The following AZIN1 variants were observed in gnomAD, a reference collection of about 807,000 sequenced individuals.
The protein encoded by AZIN1 is antizyme inhibitor 1.
Under a neutral mutation model 47.4 loss-of-function variants are expected in AZIN1, and 12 were observed. The ratio of observed to expected loss-of-function variants is 0.25; its 90% CI spans 0.16 to 0.41. AZIN1 has a LOEUF of 0.41. Ranked by LOEUF, AZIN1 falls within the 10% of genes least tolerant of loss-of-function variation. AZIN1 has a pLI of 1.00. For synonymous variants in AZIN1, 155 were observed against 176.3 expected (o/e 0.88, Z 0.96); for missense variants, 410 against 532.4 (o/e 0.77, Z 2.26).
Position 102,856,611 on chromosome 8 carries a change from G to A in AZIN1, c.-96+1402C>T, listed in dbSNP as rs1352580094. ...TAAAAGAAGGATTATCTTTTATTAC[G>A]GTCTTCCTCAAAAGACGAAGCTTGT... On this transcript the variant is annotated intron_variant, in intron 2 of 11. Coordinates refer to ENST00000337198, the MANE Select transcript of AZIN1 (RefSeq NM_148174.4). 3.9e-5 allele frequency among the ~76,000 whole-genome samples: 6 copies of A among 152,046 alleles called. No homozygotes were observed. In the East Asian group the frequency reaches 1.2e-3, roughly 29 times the overall value.
chr8:102,847,613 A>T (rs1020456409), intron 2 of AZIN1, among the ~76,000 whole-genome samples: 4 of 151,524 alleles, frequency 2.6e-5, no homozygotes, highest in African/African-American at 9.7e-5. Flanking sequence ...TGTCACCCAG[A>T]CTGGAGTGCA....
intron 6 of AZIN1, 157 bp downstream of exon 6, chr8:102,836,099 T>G (rs1811805725): frequency 5.4e-6 from 4 of 740,994 alleles, no homozygotes; most frequent in Non-Finnish European, 8.6e-6. Flanking sequence ...TAAGTTGTTT[T>G]GCCTAAACTA....
At position 102,851,102 on chromosome 8, in the gene AZIN1, G is replaced by A. The variant is rs76267551; in HGVS notation, c.-96+6911C>T. 0.014 allele frequency among the ~76,000 whole-genome samples: 2,074 copies of A among 152,292 alleles called. 115 individuals carry two copies. The East Asian group carries it at 0.2, about 15-fold the overall frequency. ...TAAATTTTTTTTCTGGAGAAAATGTGTGTGTACTAAAGTGTGTGTGTACCT... is the reference window on the plus strand; with the variant it reads ...TAAATTTTTTTTCTGGAGAAAATGTATGTGTACTAAAGTGTGTGTGTACCT... On this transcript the variant is annotated intron_variant, in intron 2 of 11. Coordinates refer to ENST00000337198, the MANE Select transcript of AZIN1 (RefSeq NM_148174.4).
intron 2 of AZIN1, among the ~76,000 whole-genome samples, chr8:102,844,037 GTAT>G (rs1421300860): frequency 6.6e-6 from 1 of 152,192 alleles, no homozygotes; most frequent in Non-Finnish European, 1.5e-5. Context: ...GACCCAATCT[GTAT>G]TATTATCTTG....
chr8:102,831,514 G>A (rs994721412), intron 9 of AZIN1, among the ~76,000 whole-genome samples: 27 of 151,020 alleles, frequency 1.8e-4, no homozygotes, highest in Admixed American at 1.3e-3. Context: ...GTGGTGGCAC[G>A]CACCTGTAAT....
chr8:102,851,755 C>T (rs903848519), intron 2 of AZIN1, among the ~76,000 whole-genome samples: 2 of 152,098 alleles, frequency 1.3e-5, no homozygotes, highest in Non-Finnish European at 2.9e-5. Context: ...CTGTACCTCT[C>T]CCTTAGAATT....
chr8:102,853,324 G>A (rs993417039), intron 2 of AZIN1, among the ~76,000 whole-genome samples: 3 of 152,222 alleles, frequency 2.0e-5, no homozygotes, highest in African/African-American at 7.2e-5. Flanking sequence ...CCAATATGGT[G>A]AAACCCTGTC....
chr8:102,841,473 A>G (rs1034598490), intron 3 of AZIN1, among the ~76,000 whole-genome samples: 3 of 152,220 alleles, frequency 2.0e-5, no homozygotes, highest in African/African-American at 7.2e-5. Context: ...AAGTTAAGTG[A>G]TAAAAATGAT....
chr8:102,837,387 A>T (rs1341799337), intron 5 of AZIN1, among the ~76,000 whole-genome samples: 1 of 152,246 alleles, frequency 6.6e-6, no homozygotes, highest in Non-Finnish European at 1.5e-5. Flanking sequence ...AACTGCTAGA[A>T]GTTGAAAATA....
chr8:102,854,557 A>T (rs955728924), intron 2 of AZIN1: 1 of 148,916 alleles, frequency 6.7e-6, no homozygotes, highest in Non-Finnish European at 1.5e-5. Context: ...AGATTGTGCC[A>T]CTGCACTCCA....
intron 11 of AZIN1, among the ~76,000 whole-genome samples, chr8:102,829,005 C>T (rs1811270808): frequency 6.6e-6 from 1 of 152,194 alleles, no homozygotes; most frequent in Non-Finnish European, 1.5e-5. Flanking sequence ...CAACTGCCAA[C>T]AGTATTAAAC....
intron 5 of AZIN1, chr8:102,836,646 T>C: frequency 2.5e-6 from 1 of 400,860 alleles, no homozygotes; most frequent in Non-Finnish European, 4.4e-6. Flanking sequence ...CATCAAGAGT[T>C]GGTTGGGCTC....
chr8:102,836,633 T>C, intron 5 of AZIN1: 1 of 445,808 alleles, frequency 2.2e-6, no homozygotes, highest in Non-Finnish European at 4.0e-6. Context: ...GACTCTGTTG[T>C]AGCATCAAGA....
intron 6 of AZIN1, chr8:102,835,308 A>G (rs1051452377): frequency 6.6e-6 from 1 of 152,472 alleles, no homozygotes; most frequent in Non-Finnish European, 1.5e-5. Context: ...CTGTACCCGT[A>G]AAGTCCATTC....
At chr8:102,830,650 CAAAAA>C (rs891178954) in intron 9 of AZIN1, among the ~76,000 whole-genome samples, 6 of 116,826 alleles carry the variant, frequency 5.1e-5, no homozygotes, top group African/African-American at 1.9e-4. Context: ...GTCTCAAAAA[CAAAAA>C]AAAAAAAGAA....
At chr8:102,848,229 A>G (rs1391492035) in intron 2 of AZIN1, among the ~76,000 whole-genome samples, 2 of 151,114 alleles carry the variant, frequency 1.3e-5, no homozygotes, top group Non-Finnish European at 2.9e-5. Context: ...ATGTCACCTA[A>G]CGACACATTT....
chr8:102,828,993 T>A (rs1262871272), intron 11 of AZIN1, among the ~76,000 whole-genome samples: 1 of 152,234 alleles, frequency 6.6e-6, no homozygotes, highest in Non-Finnish European at 1.5e-5. Context: ...GCCACTGCAT[T>A]ACAACTGCCA....
chr8:102,834,107 TA>T, intron 8 of AZIN1, 81 bp downstream of exon 8: 2 of 1,162,010 alleles, frequency 1.7e-6, no homozygotes, highest in Non-Finnish European at 2.5e-6. Flanking sequence ...TCTGCCATTG[TA>T]AAAATCCTGC....
At chr8:102,850,322 T>C (rs2131261536) in intron 2 of AZIN1, among the ~76,000 whole-genome samples, 1 of 152,300 alleles carries the variant, frequency 6.6e-6, no homozygotes, top group South Asian at 2.1e-4. Context: ...CCTAGGTGCA[T>C]TTCTACTTTT....
Sources: gnomAD v4.1 joint callset for allele counts (sites outside exome capture counted in the v4.1 genomes callset) on GRCh38, gnomAD v4.1.1 for gene constraint, MANE v1.5 for transcripts, NCBI Gene and HGNC (gene_info 2026-07-23, HGNC 2026-07-21) for gene names.